The following TLE6 variants were observed in gnomAD, a reference collection of about 807,000 sequenced individuals.
TLE6 encodes transducin-like enhancer protein 6.
Under a neutral mutation model 77.1 loss-of-function variants are expected in TLE6, and 72 were observed. The observed-to-expected ratio is 0.93, with a 90% CI of 0.77 to 1.14. The LOEUF is 1.14. TLE6 is among the 50% of genes most tolerant of loss of function. The pLI is 0.00. For missense variants in TLE6, 843 were observed against 747.6 expected, an observed-to-expected ratio of 1.13 and a Z score of -1.49; for synonymous variants, 366 against 287.3, an observed-to-expected ratio of 1.27 and a Z score of -2.77.
chr19:2,986,775 G>A (rs1381741198), intron 5 of TLE6, 54 bp from the exon 6 acceptor site: 2 of 1,524,304 alleles, frequency 1.3e-6, no homozygotes, highest in South Asian at 1.2e-5. Context: ...CTGTAGGATT[G>A]CAAACCCTTA....
rs1279021907 is a variant in TLE6, at chr19:2,987,194, T to C, written c.497T>C (p.Ile166Thr). 1 of 1,613,978 alleles carries C rather than the reference T, an allele frequency of 6.2e-7. No individual in the cohort carries two copies. The highest frequency in any genetic ancestry group is 1.7e-5 in the Admixed American group (1 of 60,002). ...ACTCTGACCGAGCAACTCTGGCGGA[T>C]TTTTGCCGGCGTCCACGATGAGAAG... ...HDTLTEQLWR[I>T]FAGVHDEKAK... Residue 166 changes from isoleucine (I) to threonine (T), a missense_variant, in exon 7 of 17, where the codon ATT becomes ACT. Ile to Thr is a moderately conservative substitution (Grantham distance 89, BLOSUM62 -1). Transcript: ENST00000246112.
At position 2,979,258 on chromosome 19, in the gene TLE6, CTT is replaced by C. The variant is rs1181995483; in HGVS notation, c.52-840_52-839del. 2.7e-5 allele frequency among the ~76,000 whole-genome samples: 4 copies of C among 150,606 alleles called. No individual in the cohort carries two copies. The South Asian group carries it at 6.3e-4, about 24-fold the overall frequency. Reference sequence around the variant, plus strand: ...TGAGCCACCACACTTGGCCAAGAGACTTTATTTTATTGAGTCTTGCTCTTGTT... The same window carrying C: ...TGAGCCACCACACTTGGCCAAGAGACTATTTTATTGAGTCTTGCTCTTGTT... On this transcript the variant is annotated intron_variant, in intron 2 of 16. Transcript: ENST00000246112.
intron 11 of TLE6, 110 bp from the exon 12 acceptor site, chr19:2,988,951 G>C: frequency 6.6e-7 from 1 of 1,504,486 alleles, no homozygotes; most frequent in East Asian, 2.3e-5. Flanking sequence ...AGGCCTGAGA[G>C]AGGGACCCCA....
chr19:2,991,745 C>T, intron 13 of TLE6, 98 bp from the exon 14 acceptor site: 2 of 1,210,904 alleles, frequency 1.7e-6, no homozygotes, highest in South Asian at 2.7e-5. Context: ...TGGGTGGTGG[C>T]ACTGTCCCTT....
intron 5 of TLE6, among the ~76,000 whole-genome samples, chr19:2,986,435 T>C (rs566392973): frequency 4.0e-5 from 6 of 150,256 alleles, no homozygotes; most frequent in African/African-American, 1.5e-4. Context: ...AGATGAAGGC[T>C]GGGGGTGGTG....
chr19:2,978,633 G>A (rs2088729088), intron 2 of TLE6, among the ~76,000 whole-genome samples: 1 of 152,116 alleles, frequency 6.6e-6, no homozygotes, highest in African/African-American at 2.4e-5. Flanking sequence ...ACGTGGGCCT[G>A]TAGTTGCAGC....
At chr19:2,991,809 G>T in intron 13 of TLE6, 34 bp from the exon 14 acceptor site, 1 of 1,610,980 alleles carries the variant, frequency 6.2e-7, no homozygotes, top group South Asian at 1.1e-5. Flanking sequence ...TCAGAGTCTT[G>T]ACCTGATTGC....
At chr19:2,990,728 C>T (rs979518081) in intron 13 of TLE6, among the ~76,000 whole-genome samples, 1 of 149,728 alleles carries the variant, frequency 6.7e-6, no homozygotes, top group East Asian at 1.9e-4. Context: ...AGTCTGGGTG[C>T]GGTGTCTCAC....
Position 2,995,058 on chromosome 19 carries a change from C to CCG in TLE6, c.*55_*56insGC. On this transcript the variant is annotated 3_prime_UTR_variant, in exon 17 of 17. Coordinates refer to ENST00000246112, the MANE Select transcript of TLE6 (RefSeq NM_001143986.2). ...GCTCCTCTTTTCATCCCCCCCCTTC[C>CCG]CCCCCCCCAACAAGGGGGACATGGT... 3.1e-6 allele frequency: 3 copies of CCG among 971,170 alleles called. No homozygotes were observed. Among genetic ancestry groups the CCG allele is most frequent in the Non-Finnish European group, 1.5e-6 (1 of 654,390 alleles). The allele number at this position is 971,170 out of a possible 1,614,324, so 60.2% of individuals were successfully genotyped here.
chr19:2,979,667 G>A (rs538448391), intron 2 of TLE6, among the ~76,000 whole-genome samples: 51 of 152,036 alleles, frequency 3.4e-4, no homozygotes, highest in Admixed American at 2.6e-3. Context: ...GAGGCCGGGC[G>A]CGGTGGTTCA....
intron 16 of TLE6, among the ~76,000 whole-genome samples, chr19:2,994,672 T>TGCACACCTGCGGTCCCAG (rs1411607618): frequency 1.3e-5 from 2 of 151,874 alleles, no homozygotes; most frequent in Admixed American, 1.3e-4. Flanking sequence ...AGTGTGGTGG[T>TGCACACCTGCGGTCCCAG]GCACACCTGC....
chr19:2,987,314 T>C (rs746269858), intron 7 of TLE6, 42 bp from the exon 8 acceptor site: 1 of 1,614,050 alleles, frequency 6.2e-7, no homozygotes, highest in Non-Finnish European at 8.5e-7. Context: ...AACCCTGCTG[T>C]TCTCTCTGTC....
At chr19:2,987,616 C>A in intron 8 of TLE6, 108 bp from the exon 9 acceptor site, 1 of 1,329,466 alleles carries the variant, frequency 7.5e-7, no homozygotes, top group Non-Finnish European at 1.1e-6. Flanking sequence ...GACCCGCAGA[C>A]AGGACCCCAG....
intron 2 of TLE6, among the ~76,000 whole-genome samples, 176 bp downstream of exon 2, chr19:2,978,460 T>G (rs988669942): frequency 6.6e-6 from 1 of 152,020 alleles, no homozygotes; most frequent in African/African-American, 2.4e-5. Context: ...TAAAAAAAAT[T>G]AAGTGTAGGC....
rs1297769175 is a variant in TLE6 at position 2,979,609 on chromosome 19, A to G, written c.52-491A>G. Among the ~76,000 whole-genome samples, 5 of 152,034 alleles carry G rather than the reference A, an allele frequency of 3.3e-5. No individual in the cohort carries two copies. The East Asian group carries it at 9.7e-4, about 29-fold the overall frequency. ...CACAAGAATGTGGTGAACATTTTAG[A>G]CTTTAGGCCAAAGTGCAAAATGGAA... On this transcript the variant is annotated intron_variant, in intron 2 of 16. Transcript: ENST00000246112.
At chr19:2,991,041 C>T (rs200963712) in intron 13 of TLE6, among the ~76,000 whole-genome samples, 4,626 of 72,674 alleles carry the variant, frequency 0.064, 103 homozygotes, top group Non-Finnish European at 0.084. Flanking sequence ...TACATACATA[C>T]ATATATGTAT....
At chr19:2,981,516 G>C in intron 3 of TLE6, 22 bp from the exon 4 acceptor site, 2 of 1,551,394 alleles carry the variant, frequency 1.3e-6, no homozygotes, top group Non-Finnish European at 1.7e-6. Flanking sequence ...AGGTCTTCCA[G>C]CCTGTCCTCC....
intron 7 of TLE6, 40 bp from the exon 8 acceptor site, chr19:2,987,316 C>T (rs1324959174): frequency 2.5e-6 from 4 of 1,613,962 alleles, no homozygotes; most frequent in Non-Finnish European, 3.4e-6. Context: ...CCCTGCTGTT[C>T]TCTCTGTCCC....
intron 14 of TLE6, 122 bp from the exon 15 acceptor site, chr19:2,993,310 G>T: frequency 5.8e-6 from 6 of 1,027,270 alleles, no homozygotes; most frequent in Non-Finnish European, 8.3e-6. Flanking sequence ...TTGTCCCAGG[G>T]CTGCACAGCT....
Sources: allele counts gnomAD v4.1 joint callset (sites outside exome capture counted in the v4.1 genomes callset), GRCh38; gene constraint gnomAD v4.1.1; transcripts MANE v1.5; gene names NCBI Gene and HGNC (gene_info 2026-07-23, HGNC 2026-07-21).